Variants in PAM observed in about 807,000 individuals in gnomAD.
PAM encodes the protein peptidylglycine alpha-amidating monooxygenase, also known as peptidyl-glycine alpha-amidating monooxygenase.
PAM carries 72 observed loss-of-function variants against 122.1 expected under a neutral mutation model. That is an observed-to-expected ratio of 0.59 (90% CI 0.49 to 0.72). The LOEUF (loss-of-function observed/expected upper bound fraction) is 0.72, where lower values mean the gene tolerates loss of function less well. PAM is among the 30% of genes least tolerant of loss of function. The pLI is 0.00. For missense variants in PAM, 1,106 were observed against 1,183.7 expected, an observed-to-expected ratio of 0.93 and a Z score of 0.96; for synonymous variants, 389 against 404.4, an observed-to-expected ratio of 0.96 and a Z score of 0.46.
intron 15 of PAM, among the ~76,000 whole-genome samples, chr5:102,987,897 T>A (rs758848915): frequency 8.5e-5 from 13 of 152,156 alleles, no homozygotes; most frequent in Non-Finnish European, 1.5e-4. Context: ...ACAATGACAT[T>A]TTCATATGCT....
chr5:103,018,485 G>A (rs1782645929), intron 22 of PAM, among the ~76,000 whole-genome samples: 1 of 152,028 alleles, frequency 6.6e-6, no homozygotes, highest in Admixed American at 6.6e-5. Flanking sequence ...ACCAAGTTAG[G>A]GTTGAGTGAG....
intron 1 of PAM, among the ~76,000 whole-genome samples, chr5:102,793,296 G>A (rs258151): frequency 0.3 from 44,938 of 151,696 alleles, 7,070 homozygotes; most frequent in Non-Finnish European, 0.35. Flanking sequence ...TGGCAGATTC[G>A]GAGGATCCCT....
chr5:102,913,251 A>G (rs1243408359), intron 4 of PAM, among the ~76,000 whole-genome samples: 1 of 151,972 alleles, frequency 6.6e-6, no homozygotes, highest in Non-Finnish European at 1.5e-5. Context: ...TTCTCTTTTA[A>G]TTATGCACTT....
rs544354374 is a variant in PAM at position 102,777,016 on chromosome 5, T to C, written c.-374+21668T>C. On this transcript the variant is annotated intron_variant, in intron 1 of 25. Coordinates refer to ENST00000438793, the MANE Select transcript of PAM (RefSeq NM_001177306.2). The stretch of plus-strand genomic sequence containing the variant: ...GAAAAGTTTTTTATTCTAATTGTTT[T>C]ATAATTTCACCTTTTTATTCTTAAC... Among the ~76,000 whole-genome samples, 6 of 152,292 alleles carry C rather than the reference T, an allele frequency of 3.9e-5. 2 individuals are homozygous for C. In the South Asian group the frequency reaches 1.2e-3, roughly 32 times the overall value.
At chr5:102,831,065 T>C (rs1775301278) in intron 1 of PAM, among the ~76,000 whole-genome samples, 1 of 79,700 alleles carries the variant, frequency 1.3e-5, no homozygotes, top group South Asian at 6.6e-4. Context: ...TTTTGGTCAC[T>C]TGGAGGCCAT....
Position 102,766,633 on chromosome 5 carries a change from A to T in PAM, c.-374+11285A>T, listed in dbSNP as rs532020104. 2.0e-5 allele frequency among the ~76,000 whole-genome samples: 3 copies of T among 152,318 alleles called. No homozygotes were observed. The East Asian group carries it at 5.8e-4, about 29-fold the overall frequency. On this transcript the variant is annotated intron_variant, in intron 1 of 25. Transcript: ENST00000438793. ...GTGGCCAGGGGGCTGGGGACACCTGATATAAGGAAAAATAAATGAAATACT... is the reference window on the plus strand; with the variant it reads ...GTGGCCAGGGGGCTGGGGACACCTGTTATAAGGAAAAATAAATGAAATACT...
intron 16 of PAM, among the ~76,000 whole-genome samples, chr5:102,999,205 C>T (rs1184246023): frequency 1.3e-5 from 2 of 152,212 alleles, no homozygotes; most frequent in Admixed American, 6.5e-5. Flanking sequence ...AATGAAGAGG[C>T]TACAGGCCCC....
At chr5:102,995,533 G>A (rs1775450542) in intron 16 of PAM, among the ~76,000 whole-genome samples, 1 of 151,900 alleles carries the variant, frequency 6.6e-6, no homozygotes, top group South Asian at 2.1e-4. Context: ...CTTGCATCAA[G>A]ACGTTTGAAC....
chr5:103,001,205 G>C (rs187250421), intron 16 of PAM, among the ~76,000 whole-genome samples: 1 of 152,244 alleles, frequency 6.6e-6, no homozygotes, highest in East Asian at 1.9e-4. Context: ...ATGTTTTTCA[G>C]AGGAATAGTT....
At chr5:103,000,507 G>A (rs747326294) in intron 16 of PAM, among the ~76,000 whole-genome samples, 9 of 152,078 alleles carry the variant, frequency 5.9e-5, no homozygotes, top group South Asian at 2.1e-4. Flanking sequence ...CCACATTTTT[G>A]TGTATCTTTA....
intron 1 of PAM, among the ~76,000 whole-genome samples, chr5:102,779,918 T>TATATATATATACACACAC (rs147065045): frequency 0.031 from 2,949 of 94,612 alleles, 86 homozygotes; most frequent in Non-Finnish European, 0.04. Context: ...TATATATATA[T>TATATATATATACACACAC]ACACACATAT....
chr5:103,000,122 A>G (rs1433938150), intron 16 of PAM, among the ~76,000 whole-genome samples: 1 of 152,152 alleles, frequency 6.6e-6, no homozygotes, highest in Admixed American at 6.5e-5. Context: ...AATTAATAAA[A>G]CTGAATGCTC....
At chr5:102,883,235 T>A (rs769857466) in intron 3 of PAM, among the ~76,000 whole-genome samples, 18 of 151,912 alleles carry the variant, frequency 1.2e-4, no homozygotes, top group Non-Finnish European at 2.4e-4. Flanking sequence ...TTTAGGATTG[T>A]TTTTTTCTAG....
chr5:102,803,807 A>G (rs953296322), intron 1 of PAM, among the ~76,000 whole-genome samples: 6 of 152,204 alleles, frequency 3.9e-5, no homozygotes, highest in African/African-American at 4.8e-5. Flanking sequence ...GGTGCTATGT[A>G]TAGAATAAGA....
chr5:102,777,003 A>T (rs565178976), intron 1 of PAM, among the ~76,000 whole-genome samples: 1 of 152,026 alleles, frequency 6.6e-6, no homozygotes, highest in South Asian at 2.1e-4. Flanking sequence ...AAAGTTTTTT[A>T]TTCTAATTGT....
intron 3 of PAM, among the ~76,000 whole-genome samples, chr5:102,891,273 C>CA (rs911730742): frequency 8.6e-5 from 13 of 151,460 alleles, no homozygotes; most frequent in Admixed American, 2.0e-4. Context: ...GCAGGACTAG[C>CA]AAAAAAGGAG....
At chr5:102,919,278 G>C (rs567663016) in intron 5 of PAM, among the ~76,000 whole-genome samples, 1 of 152,146 alleles carries the variant, frequency 6.6e-6, no homozygotes, top group Non-Finnish European at 1.5e-5. Context: ...ATATATGCCT[G>C]TATGAGAGAT....
intron 7 of PAM, among the ~76,000 whole-genome samples, chr5:102,940,113 CAT>C (rs1754616078): frequency 7.4e-6 from 1 of 136,024 alleles, no homozygotes; most frequent in Non-Finnish European, 1.5e-5. Context: ...TATATGTATA[CAT>C]ACACACACAC....
chr5:102,946,948 G>A (rs1013160581), intron 8 of PAM, 63 bp downstream of exon 8: 2 of 993,528 alleles, frequency 2.0e-6, no homozygotes, highest in African/African-American at 3.2e-5. Context: ...CTTAGAGTGG[G>A]AAGTTTACTG....
Sources: allele counts gnomAD v4.1 joint callset (sites outside exome capture counted in the v4.1 genomes callset), GRCh38; gene constraint gnomAD v4.1.1; transcripts MANE v1.5; gene names NCBI Gene and HGNC (gene_info 2026-07-23, HGNC 2026-07-21).